Variants in PI4KB observed in about 807,000 individuals in gnomAD.
The protein encoded by PI4KB is PtdIns 4-kinase beta.
In PI4KB, 23 loss-of-function variants were observed where a neutral mutation model predicts 81.4. The observed-to-expected ratio is 0.28, with a 90% confidence interval of 0.20 to 0.40. The LOEUF (loss-of-function observed/expected upper bound fraction) is 0.40. PI4KB is among the 10% of genes least tolerant of loss of function. The pLI, the probability that PI4KB is intolerant of heterozygous loss-of-function variation, is 1.00. For missense variants in PI4KB, 651 were observed against 1,036.6 expected, an observed-to-expected ratio of 0.63 and a Z score of 5.11; for synonymous variants, 381 against 406.8, an observed-to-expected ratio of 0.94 and a Z score of 0.76.
chr1:151,310,992 T>C (rs890790975), intron 2 of PI4KB, among the ~76,000 whole-genome samples: 2 of 152,198 alleles, frequency 1.3e-5, no homozygotes, highest in African/African-American at 2.4e-5. Context: ...ATTTTTGATA[T>C]AAGTTGGGGA....
chr1:151,316,377 C>T lies in PI4KB; in HGVS notation c.105G>A (p.Glu35=), dbSNP rs1647942659. ...CAATCACTGATAGTTCCCCGACCCC[C>T]TCCGTGATGACACTTAGCAGGGACC... The part of the protein sequence containing the change: ...NGGSLLSVIT[E]GVGELSVIDP... The change falls in exon 2 of 12, where the codon GAG becomes GAA. Residue 35 remains glutamate (E), a synonymous_variant. Transcript: ENST00000368873. The T allele has an allele frequency of 6.2e-7, 1 of 1,607,890 alleles. No individual in the cohort carries two copies. Among genetic ancestry groups the T allele is most frequent in the South Asian group, 1.1e-5 (1 of 89,926 alleles).
Position 151,310,246 on chromosome 1 carries a change from A to C in PI4KB, c.919T>G (p.Ser307Ala). 1 of 1,381,118 alleles carries C rather than the reference A, an allele frequency of 7.2e-7. No individual in the cohort carries two copies. The highest frequency in any genetic ancestry group is 9.7e-7 in the Non-Finnish European group (1 of 1,033,362). 85.6% of individuals were successfully genotyped at this position (1,381,118 alleles called of 1,614,324 possible). A position where few individuals can be genotyped will look rare whatever the true frequency, so the allele number is the denominator to read the frequency against. Residue 307 changes from serine (S) to alanine (A), a missense_variant, in exon 3 of 12, where the codon TCC (serine) becomes GCC (alanine). Coordinates refer to ENST00000368873, the MANE Select transcript of PI4KB (RefSeq NM_001369623.2). ...GAATTATCAATACTCTCGGTGCTGG[A>C]GGAGAGCTCCTGGGAAAGGGCCAGA... Reference protein sequence around the residue: ...KVENEDEELSSSTESIDNSFS... With the variant: ...KVENEDEELSASTESIDNSFS...
chr1:151,324,275 A>G (rs1571232955), intron 1 of PI4KB, among the ~76,000 whole-genome samples: 1 of 152,152 alleles, frequency 6.6e-6, no homozygotes, highest in African/African-American at 2.4e-5. Flanking sequence ...AATAATTTTT[A>G]AAGAGAGGTT....
In PI4KB at chr1:151,293,856, A is replaced by G. The variant is rs374422111; in HGVS notation, c.2269+162T>C. ...CTTAGCCTTACCAGGGTCAGGAGGAATGTCCTAAAGGAGAAACAAGGCACT... is the reference window on the plus strand; with the variant it reads ...CTTAGCCTTACCAGGGTCAGGAGGAGTGTCCTAAAGGAGAAACAAGGCACT... On this transcript the variant is annotated intron_variant, in intron 11 of 11. Coordinates refer to ENST00000368873, the MANE Select transcript of PI4KB (RefSeq NM_001369623.2). 4 of 711,468 alleles carry G rather than the reference A, an allele frequency of 5.6e-6. No homozygotes were observed. The East Asian group carries it at 8.8e-5, about 16-fold the overall frequency. 44.1% of individuals were successfully genotyped at this position (711,468 alleles called of 1,614,324 possible). A position where few individuals can be genotyped will look rare whatever the true frequency, so the allele number is the denominator to read the frequency against.
chr1:151,326,194 G>A (rs1311528273), intron 1 of PI4KB: 1 of 1,611,768 alleles, frequency 6.2e-7, no homozygotes, highest in Non-Finnish European at 8.5e-7. Context: ...TTTCCACGCA[G>A]GCCTGTTCAT....
At chr1:151,326,989 T>C (rs372071215) in intron 1 of PI4KB, among the ~76,000 whole-genome samples, 1 of 151,344 alleles carries the variant, frequency 6.6e-6, no homozygotes, top group African/African-American at 2.4e-5. Flanking sequence ...GTTCATGACT[T>C]AAAAAAAAGA....
intron 5 of PI4KB, among the ~76,000 whole-genome samples, chr1:151,305,853 G>A (rs1695712684): frequency 6.6e-6 from 1 of 152,134 alleles, no homozygotes; most frequent in African/African-American, 2.4e-5. Context: ...CTTTATGTAG[G>A]TGTTCAATAA....
chr1:151,302,356 A>G (rs1695355115), intron 6 of PI4KB, 58 bp from the exon 7 acceptor site: 1 of 1,177,762 alleles, frequency 8.5e-7, no homozygotes. Context: ...CCCCATGCCC[A>G]GTCTATACTG....
chr1:151,322,861 G>C (rs1353422392), intron 1 of PI4KB, among the ~76,000 whole-genome samples: 1 of 152,032 alleles, frequency 6.6e-6, no homozygotes, highest in Non-Finnish European at 1.5e-5. Flanking sequence ...GCTTCTTCCT[G>C]GCCTCAAGCT....
intron 1 of PI4KB, among the ~76,000 whole-genome samples, 155 bp from the exon 2 acceptor site, chr1:151,316,664 A>T (rs1647992210): frequency 6.6e-6 from 1 of 152,194 alleles, no homozygotes; most frequent in Non-Finnish European, 1.5e-5. Flanking sequence ...ATAAGAAGAC[A>T]TATCCTAGGA....
At position 151,307,809 on chromosome 1, in the gene PI4KB, G is replaced by A. The variant is rs1275402340; in HGVS notation, c.955-8C>T. 6.2e-7 allele frequency: 1 copy of A among 1,603,090 alleles called. No individual in the cohort carries two copies. The highest frequency in any genetic ancestry group is 8.5e-7 in the Non-Finnish European group (1 of 1,169,918). ...AGGAGCCAGTCGAACAGGCTACAGG[G>A]GTTTGGGGTAAGACAAAAGATGGTG... is the stretch of plus-strand genomic sequence containing the variant. On this transcript the variant is annotated splice_region_variant and splice_polypyrimidine_tract_variant and intron_variant, in intron 3 of 11. Coordinates refer to ENST00000368873, the MANE Select transcript of PI4KB (RefSeq NM_001369623.2).
chr1:151,326,426 C>T, intron 1 of PI4KB: 1 of 455,046 alleles, frequency 2.2e-6, no homozygotes, highest in Non-Finnish European at 3.9e-6. Context: ...CACATGAAGC[C>T]CACGGGAAAA....
At chr1:151,306,424 C>T in intron 4 of PI4KB, 61 bp from the exon 5 acceptor site, 1 of 1,073,170 alleles carries the variant, frequency 9.3e-7, no homozygotes, top group Non-Finnish European at 1.4e-6. Flanking sequence ...CAAATCTCAA[C>T]TCTGTTAGCA....
At chr1:151,317,885 T>C (rs1459235158) in intron 1 of PI4KB, among the ~76,000 whole-genome samples, 1 of 152,108 alleles carries the variant, frequency 6.6e-6, no homozygotes. Context: ...CATAGCTCAC[T>C]GTAACCTTGA....
intron 10 of PI4KB, 92 bp downstream of exon 10, chr1:151,294,317 T>A (rs778500931): frequency 4.0e-6 from 6 of 1,513,486 alleles, no homozygotes; most frequent in Non-Finnish European, 5.4e-6. Context: ...GTTCTGTTCA[T>A]CCCTAATTTG....
chr1:151,314,300 A>C (rs1647577795), intron 2 of PI4KB, among the ~76,000 whole-genome samples: 1 of 152,146 alleles, frequency 6.6e-6, no homozygotes, highest in South Asian at 2.1e-4. Flanking sequence ...CCTCTTTTCT[A>C]GGCTGGGTTG....
chr1:151,314,234 C>T (rs1325623733), intron 2 of PI4KB, among the ~76,000 whole-genome samples: 1 of 152,246 alleles, frequency 6.6e-6, no homozygotes, highest in African/African-American at 2.4e-5. Context: ...GAGGCAGATG[C>T]CAAGACCATA....
At chr1:151,324,829 G>T in intron 1 of PI4KB, 1 of 985,094 alleles carries the variant, frequency 1.0e-6, no homozygotes, top group Non-Finnish European at 1.2e-6. Context: ...TTATTGAAGG[G>T]TTCCTCCCAA....
At chr1:151,306,401 C>T (rs753149035) in intron 4 of PI4KB, 38 bp from the exon 5 acceptor site, 4 of 1,285,858 alleles carry the variant, frequency 3.1e-6, no homozygotes, top group Non-Finnish European at 2.3e-6. Flanking sequence ...AACTTACTTC[C>T]ACCACTAACC....
Sources: gnomAD v4.1 joint callset for allele counts (sites outside exome capture counted in the v4.1 genomes callset) on GRCh38, gnomAD v4.1.1 for gene constraint, MANE v1.5 for transcripts, NCBI Gene and HGNC (gene_info 2026-07-23, HGNC 2026-07-21) for gene names.